FRMPD1: variants seen among roughly 807,000 people sequenced by gnomAD.
FRMPD1 encodes FERM and PDZ domain containing 1.
FRMPD1 carries 76 observed loss-of-function variants against 117.8 expected under a neutral mutation model. The observed-to-expected ratio is 0.65, with a 90% confidence interval of 0.54 to 0.78. FRMPD1 has a LOEUF of 0.78. FRMPD1 is among the 30% of genes least tolerant of loss of function. The probability of loss-of-function intolerance (pLI) is 0.00; values close to 1 mark genes in which losing one functional copy is unlikely to be tolerated. For missense variants in FRMPD1, 1,786 were observed against 1,964.5 expected (o/e 0.91, Z 1.72); for synonymous variants, 783 against 770.4 (o/e 1.02, Z -0.27).
intron 5 of FRMPD1, among the ~76,000 whole-genome samples, chr9:37,711,954 A>G (rs562394372): frequency 2.6e-5 from 4 of 152,312 alleles, no homozygotes; most frequent in Admixed American, 2.0e-4. Flanking sequence ...TATATAATCA[A>G]ATTTTCAAAG....
intron 9 of FRMPD1, among the ~76,000 whole-genome samples, chr9:37,732,013 C>T (rs976736152): frequency 2.6e-5 from 4 of 152,166 alleles, no homozygotes; most frequent in Non-Finnish European, 4.4e-5. Flanking sequence ...GCAATAACAA[C>T]GCCATCAATA....
chr9:37,646,369 T>A (rs1824140878), upstream of FRMPD1, among the ~76,000 whole-genome samples: 1 of 152,188 alleles, frequency 6.6e-6, no homozygotes, highest in South Asian at 2.1e-4. Context: ...AGGAATCATG[T>A]CGTTTTAGAT....
In FRMPD1 at chr9:37,675,645, A is replaced by T. The variant is rs566063556; in HGVS notation, c.-4-16993A>T. Among the ~76,000 whole-genome samples, 11 of 152,282 alleles carry T rather than the reference A, an allele frequency of 7.2e-5. No homozygotes were observed. The South Asian group carries it at 2.3e-3, about 32-fold the overall frequency. ...TAATGGTGCTCATGATGTAGGTGCCACAGGTGTGTCCCAGCATGGGCTGGT... is the reference window on the plus strand; with the variant it reads ...TAATGGTGCTCATGATGTAGGTGCCTCAGGTGTGTCCCAGCATGGGCTGGT... On this transcript the variant is annotated intron_variant, in intron 1 of 15. Transcript: ENST00000377765.
chr9:37,616,317 A>G, the FRMPD1 span, among the ~76,000 whole-genome samples: 5 of 151,320 alleles, frequency 3.3e-5, no homozygotes, highest in Non-Finnish European at 7.4e-5. Flanking sequence ...GGGTTTCACC[A>G]TGTTGGCCAG....
In FRMPD1 at chr9:37,733,484, G is replaced by A. The variant is rs1588966764; in HGVS notation, c.1007G>A (p.Gly336Glu). Residue 336 changes from glycine to glutamate, a missense_variant, in exon 11 of 16, where the codon GGA becomes GAA. Transcript: ENST00000377765. ...ISLKYIEKDW[G>E]IENFISPTLL... ...ATGTCTCATGGCAGGAAAGACTGGG[G>A]AATAGAGAACTTTATATCTCCAACT... 6.2e-7 allele frequency: 1 copy of A among 1,613,602 alleles called. No individual in the cohort carries two copies. Among genetic ancestry groups the A allele is most frequent in the Non-Finnish European group, 8.5e-7 (1 of 1,179,750 alleles).
chr9:37,728,975 A>AT (rs1485531936), intron 7 of FRMPD1, among the ~76,000 whole-genome samples: 2 of 151,488 alleles, frequency 1.3e-5, no homozygotes, highest in East Asian at 3.9e-4. Context: ...AAAAAAAAAA[A>AT]AAAAGTTTCA....
At chr9:37,728,316 G>A (rs890361207) in intron 7 of FRMPD1, among the ~76,000 whole-genome samples, 1 of 152,162 alleles carries the variant, frequency 6.6e-6, no homozygotes, top group African/African-American at 2.4e-5. Flanking sequence ...ATTAAATAAT[G>A]GTGAGGGAAA....
rs747240943 is a variant in FRMPD1, at chr9:37,740,045, G to C, written c.1550-33G>C. The stretch of plus-strand genomic sequence containing the variant: ...AAGGACACATAGGTAGGAGAATTCT[G>C]TTGTGTAACTGTTGCTGTACCCTGT... On this transcript the variant is annotated intron_variant, in intron 14 of 15. Coordinates refer to ENST00000377765, the MANE Select transcript of FRMPD1 (RefSeq NM_014907.3). This position sits in a 1 kb window ranked among gnomAD's most constrained non-coding sequence, Gnocchi z 4.2. 6.9e-7 allele frequency: 1 copy of C among 1,453,248 alleles called. No homozygotes were observed. The highest frequency in any genetic ancestry group is 2.3e-5 in the East Asian group (1 of 43,934). The allele number at this position is 1,453,248 out of a possible 1,614,324, so 90.0% of individuals were successfully genotyped here. A position where few individuals can be genotyped will look rare whatever the true frequency, so the allele number is the denominator to read the frequency against.
intron 9 of FRMPD1, 123 bp from the exon 10 acceptor site, chr9:37,732,181 C>A: frequency 1.0e-6 from 1 of 984,532 alleles, no homozygotes; most frequent in Non-Finnish European, 1.5e-6. Flanking sequence ...GTCACACAGC[C>A]AAGAACTGTC....
At chr9:37,657,424 AATTT>A (rs1820875858) in intron 1 of FRMPD1, among the ~76,000 whole-genome samples, 1 of 152,228 alleles carries the variant, frequency 6.6e-6, no homozygotes, top group Non-Finnish European at 1.5e-5. Flanking sequence ...TTATAAAAAT[AATTT>A]ATTTAGTAGC....
At chr9:37,682,698 A>G (rs1014224127) in intron 1 of FRMPD1, among the ~76,000 whole-genome samples, 11 of 152,160 alleles carry the variant, frequency 7.2e-5, no homozygotes, top group African/African-American at 2.7e-4. Context: ...TCAGACATCC[A>G]TGCTTTAACC....
At chr9:37,621,893 A>G in the FRMPD1 span, among the ~76,000 whole-genome samples, 8 of 152,294 alleles carry the variant, frequency 5.3e-5, no homozygotes, top group Middle Eastern at 3.4e-3. Flanking sequence ...GCTCAGGTTA[A>G]GGGGTCCTCA....
intron 1 of FRMPD1, among the ~76,000 whole-genome samples, chr9:37,671,238 C>A (rs1821340764): frequency 6.6e-6 from 1 of 152,160 alleles, no homozygotes; most frequent in Non-Finnish European, 1.5e-5. Context: ...TGTTAAAGTG[C>A]CTAAATCAAA....
intron 1 of FRMPD1, among the ~76,000 whole-genome samples, chr9:37,654,342 G>A (rs1820777173): frequency 6.6e-6 from 1 of 152,176 alleles, no homozygotes; most frequent in Non-Finnish European, 1.5e-5. Context: ...AGGAGAGAGG[G>A]AGCCAGTCTT....
intron 1 of FRMPD1, among the ~76,000 whole-genome samples, chr9:37,657,652 T>C (rs1820880727): frequency 6.6e-6 from 1 of 152,222 alleles, no homozygotes; most frequent in Non-Finnish European, 1.5e-5. Flanking sequence ...TTTCTCAAGC[T>C]CATTCCTGGT....
At chr9:37,667,282 T>A (rs1396581150) in intron 1 of FRMPD1, among the ~76,000 whole-genome samples, 2 of 150,308 alleles carry the variant, frequency 1.3e-5, no homozygotes, top group Non-Finnish European at 3.0e-5. Flanking sequence ...GCCAGGCTGG[T>A]CTAGAACTCC....
chr9:37,739,302 T>C (rs558501783), intron 14 of FRMPD1, among the ~76,000 whole-genome samples: 1 of 152,238 alleles, frequency 6.6e-6, no homozygotes, highest in South Asian at 2.1e-4. Flanking sequence ...TGAGAGTCTG[T>C]AACTGTTGTG....
At chr9:37,665,807 A>C (rs574774133) in intron 1 of FRMPD1, among the ~76,000 whole-genome samples, 2 of 151,668 alleles carry the variant, frequency 1.3e-5, no homozygotes, top group African/African-American at 4.8e-5. Flanking sequence ...GTCAGAAACC[A>C]CTCCTGCCTT....
chr9:37,731,548 G>C (rs1358857627), intron 9 of FRMPD1, among the ~76,000 whole-genome samples: 1 of 152,156 alleles, frequency 6.6e-6, no homozygotes, highest in Non-Finnish European at 1.5e-5. Flanking sequence ...TTAGATGAGA[G>C]TTATGATGCC....
Sources: allele counts gnomAD v4.1 joint callset (sites outside exome capture counted in the v4.1 genomes callset), GRCh38; gene constraint gnomAD v4.1.1; non-coding constraint Gnocchi (gnomAD v3.1); transcripts MANE v1.5; gene names NCBI Gene and HGNC (gene_info 2026-07-23, HGNC 2026-07-21).